Variants in SCP2 observed in about 807,000 individuals in gnomAD.
SCP2 encodes the protein SCP-2/3-oxoacyl-CoA thiolase.
Under a neutral mutation model 71.4 loss-of-function variants are expected in SCP2, and 48 were observed. The observed-to-expected ratio is 0.67, with a 90% CI of 0.53 to 0.86. The LOEUF (loss-of-function observed/expected upper bound fraction) is 0.86, where lower values mean the gene tolerates loss of function less well. SCP2 is among the 40% of genes least tolerant of loss of function. SCP2 has a pLI of 0.00. For missense variants in SCP2, 560 were observed against 655.6 expected (o/e 0.85, Z 1.59); for synonymous variants, 220 against 218.1 (o/e 1.01, Z -0.08).
At chr1:52,934,785 T>A in intron 1 of SCP2, 1 of 149,100 alleles carries the variant, frequency 6.7e-6, no homozygotes, top group East Asian at 2.0e-4. Flanking sequence ...GCTAATTTTT[T>A]GTATTTTTAG....
intron 11 of SCP2, among the ~76,000 whole-genome samples, chr1:53,004,338 T>C (rs1428333419): frequency 6.6e-6 from 1 of 152,104 alleles, no homozygotes; most frequent in African/African-American, 2.4e-5. Flanking sequence ...TGTATTTTAC[T>C]TTTTTTTGAA....
At chr1:53,040,580 G>T (rs1230353871) in intron 14 of SCP2, among the ~76,000 whole-genome samples, 6 of 152,038 alleles carry the variant, frequency 3.9e-5, no homozygotes, top group African/African-American at 7.2e-5. Flanking sequence ...AATTAGCCAG[G>T]CGTAGTGGCG....
intron 10 of SCP2, among the ~76,000 whole-genome samples, chr1:52,985,943 C>G (rs1658947359): frequency 1.3e-5 from 2 of 152,160 alleles, no homozygotes; most frequent in Non-Finnish European, 2.9e-5. Context: ...TCTTTTTTCC[C>G]TTGGCATTTA....
At chr1:53,025,317 A>G (rs72903121) in intron 12 of SCP2, among the ~76,000 whole-genome samples, 20,840 of 151,420 alleles carry the variant, frequency 0.14, 2,033 homozygotes, top group East Asian at 0.33. Flanking sequence ...ATTGTGCTGG[A>G]CTCTCTTGTT....
At chr1:52,956,161 G>T (rs1017229021) in intron 5 of SCP2, among the ~76,000 whole-genome samples, 1 of 152,074 alleles carries the variant, frequency 6.6e-6, no homozygotes, top group Non-Finnish European at 1.5e-5. Flanking sequence ...AAAATTAGCC[G>T]GGTGTGGTGA....
At chr1:52,977,513 T>G (rs1220708185) in intron 8 of SCP2, among the ~76,000 whole-genome samples, 1 of 152,236 alleles carries the variant, frequency 6.6e-6, no homozygotes, top group African/African-American at 2.4e-5. Context: ...TCCAAAAGGA[T>G]TTCAGGACTG....
chr1:52,970,968 ATTTTTTTTTT>A (rs1200663958), intron 6 of SCP2, among the ~76,000 whole-genome samples: 11 of 70,978 alleles, frequency 1.5e-4, no homozygotes, highest in African/African-American at 6.5e-4. Context: ...AGAGACACAG[ATTTTTTTTTT>A]TTTTTTTTTT....
At chr1:52,993,939 C>T in intron 11 of SCP2, 2 of 1,353,280 alleles carry the variant, frequency 1.5e-6, no homozygotes, top group Non-Finnish European at 1.9e-6. Flanking sequence ...TTATCGGTAG[C>T]CATCAATTGC....
intron 1 of SCP2, among the ~76,000 whole-genome samples, chr1:52,938,038 T>C (rs979397244): frequency 2.0e-5 from 3 of 152,278 alleles, no homozygotes; most frequent in Middle Eastern, 3.4e-3. Flanking sequence ...AGTAGGTAAA[T>C]TGTCATGCTG....
chr1:52,938,001 A>G (rs1321989025), intron 1 of SCP2, among the ~76,000 whole-genome samples: 1 of 142,280 alleles, frequency 7.0e-6, no homozygotes, highest in African/African-American at 3.1e-5. Flanking sequence ...CCAGAGTCAT[A>G]TAACTTCTGA....
intron 11 of SCP2, chr1:52,993,985 T>C (rs1008152098): frequency 2.4e-6 from 3 of 1,256,714 alleles, no homozygotes; most frequent in Admixed American, 3.6e-5. Context: ...CAAGTGTCTG[T>C]TCTTTAATTT....
chr1:52,974,275 A>G (rs115593967), intron 6 of SCP2, among the ~76,000 whole-genome samples: 3,715 of 152,148 alleles, frequency 0.024, 119 homozygotes, highest in African/African-American at 0.071. Context: ...ATTTTCTGTT[A>G]AGGAATTTAA....
At chr1:52,995,787 C>T in intron 11 of SCP2, 2 of 825,034 alleles carry the variant, frequency 2.4e-6, no homozygotes, top group South Asian at 1.4e-5. Context: ...ATGGCGGTCA[C>T]CTTAATCGGC....
chr1:52,967,479 T>G (rs895805679), intron 6 of SCP2, among the ~76,000 whole-genome samples: 20 of 152,298 alleles, frequency 1.3e-4, no homozygotes, highest in African/African-American at 4.8e-4. Flanking sequence ...AAATTTTTAT[T>G]TCTATTTCAA....
At chr1:52,991,618 C>A (rs1659512094) in intron 11 of SCP2, among the ~76,000 whole-genome samples, 1 of 152,132 alleles carries the variant, frequency 6.6e-6, no homozygotes, top group Non-Finnish European at 1.5e-5. Flanking sequence ...TCAGGCTGGT[C>A]TTGAACTCCT....
intron 11 of SCP2, chr1:52,995,180 G>A (rs1659838351): frequency 2.0e-6 from 1 of 493,866 alleles, no homozygotes; most frequent in Non-Finnish European, 4.1e-6. Flanking sequence ...AGCAAGATCC[G>A]AGAAGAGTGC....
chr1:52,993,239 C>T lies in SCP2; in HGVS notation c.1081+5103C>T, dbSNP rs368257195. 4.4e-5 allele frequency: 71 copies of T among 1,613,856 alleles called. No individual in the cohort carries two copies. The African/African-American group carries it at 6.4e-4, about 15-fold the overall frequency. On this transcript the variant is annotated intron_variant, in intron 11 of 15. Coordinates refer to ENST00000371514, the MANE Select transcript of SCP2 (RefSeq NM_002979.5). ...GCAGCCTTTCTTGTCTTTTTCTTTC[C>T]GTGTTGGTTCTGGTGAAGGAGGACA...
intron 11 of SCP2, among the ~76,000 whole-genome samples, chr1:52,999,605 A>G (rs1660169179): frequency 6.6e-6 from 1 of 152,186 alleles, no homozygotes; most frequent in Non-Finnish European, 1.5e-5. Context: ...CAGCATTTGA[A>G]TTGAGTATTC....
At chr1:52,986,131 C>T (rs1021610343) in intron 10 of SCP2, among the ~76,000 whole-genome samples, 21 of 152,134 alleles carry the variant, frequency 1.4e-4, no homozygotes, top group African/African-American at 4.8e-4. Context: ...TTTCCAAAAG[C>T]GTATGCATTT....
Sources: allele counts gnomAD v4.1 joint callset (sites outside exome capture counted in the v4.1 genomes callset), GRCh38; gene constraint gnomAD v4.1.1; transcripts MANE v1.5; gene names NCBI Gene and HGNC (gene_info 2026-07-23, HGNC 2026-07-21).